The following SCMH1 variants were observed in gnomAD, a reference collection of about 807,000 sequenced individuals.
SCMH1 encodes polycomb protein SCMH1.
A neutral mutation model predicts 70.8 loss-of-function variants in SCMH1; 37 were observed. That is an observed-to-expected ratio of 0.52 (90% CI 0.40 to 0.69). The LOEUF is 0.69. SCMH1 is among the 30% of genes least tolerant of loss of function. The pLI, the probability that SCMH1 is intolerant of heterozygous loss-of-function variation, is 0.00. For synonymous variants in SCMH1, 292 were observed against 307.4 expected (o/e 0.95, Z 0.52); for missense variants, 607 against 827.3 (o/e 0.73, Z 3.27).
intron 2 of SCMH1, among the ~76,000 whole-genome samples, chr1:41,180,239 C>G (rs1416975221): frequency 2.0e-5 from 3 of 152,152 alleles, no homozygotes; most frequent in Non-Finnish European, 4.4e-5. Context: ...CTATCTATGA[C>G]AAACCCACAG....
intron 1 of SCMH1, among the ~76,000 whole-genome samples, chr1:41,226,583 C>T (rs1045286392): frequency 1.3e-5 from 2 of 151,898 alleles, no homozygotes; most frequent in African/African-American, 4.8e-5. Context: ...AGGTCCAGAC[C>T]TAAATTCATT....
intron 10 of SCMH1, among the ~76,000 whole-genome samples, chr1:41,051,516 T>C (rs1170287600): frequency 6.6e-6 from 1 of 152,194 alleles, no homozygotes; most frequent in Non-Finnish European, 1.5e-5. Flanking sequence ...TTATTGTCCC[T>C]GAAGACCTTC....
At chr1:41,211,444 A>G (rs1657005465) in intron 1 of SCMH1, among the ~76,000 whole-genome samples, 1 of 152,260 alleles carries the variant, frequency 6.6e-6, no homozygotes, top group South Asian at 2.1e-4. Context: ...GTCATCACAG[A>G]AATGCAAATC....
chr1:41,168,825 T>G (rs112398220), intron 2 of SCMH1, among the ~76,000 whole-genome samples: 6 of 152,278 alleles, frequency 3.9e-5, no homozygotes, highest in African/African-American at 1.4e-4. Flanking sequence ...GACTGCTGTC[T>G]CTTTTTTGAT....
chr1:41,070,748 G>GCTACC (rs1344524825), intron 9 of SCMH1, 27 bp from the exon 10 acceptor site: 1 of 1,613,060 alleles, frequency 6.2e-7, no homozygotes, highest in East Asian at 2.2e-5. Context: ...GAAAAAAATT[G>GCTACC]CTACCCATGA....
At chr1:41,230,907 G>C (rs753469199) in intron 1 of SCMH1, among the ~76,000 whole-genome samples, 5 of 152,050 alleles carry the variant, frequency 3.3e-5, no homozygotes, top group Non-Finnish European at 7.4e-5. Context: ...ACAAGGTTTG[G>C]GACTTGCTGC....
chr1:41,100,588 C>T (rs557118704), intron 8 of SCMH1, among the ~76,000 whole-genome samples: 21 of 140,210 alleles, frequency 1.5e-4, no homozygotes, highest in Middle Eastern at 3.9e-3. Flanking sequence ...TTTTTTGAGA[C>T]GGAGTCTCAC....
At chr1:41,048,286 T>G (rs933484831) in intron 11 of SCMH1, among the ~76,000 whole-genome samples, 4 of 152,110 alleles carry the variant, frequency 2.6e-5, no homozygotes, top group Non-Finnish European at 5.9e-5. Flanking sequence ...TGGGCCTGGT[T>G]TAGGACGAGG....
At chr1:41,212,864 A>G (rs1371288993) in intron 1 of SCMH1, among the ~76,000 whole-genome samples, 1 of 152,188 alleles carries the variant, frequency 6.6e-6, no homozygotes, top group Non-Finnish European at 1.5e-5. Context: ...CAACAAAGTG[A>G]GACTCTGTCT....
intron 14 of SCMH1, 73 bp downstream of exon 15, chr1:41,028,511 C>A: frequency 1.9e-6 from 3 of 1,584,416 alleles, no homozygotes; most frequent in Non-Finnish European, 2.6e-6. Context: ...CCTCCCCAAA[C>A]ATCTCGTATT....
intron 2 of SCMH1, among the ~76,000 whole-genome samples, chr1:41,177,024 C>T (rs1030283567): frequency 1.3e-5 from 2 of 151,938 alleles, no homozygotes; most frequent in Admixed American, 1.3e-4. Flanking sequence ...ACACCTCACA[C>T]GGCCCTCTGA....
intron 1 of SCMH1, among the ~76,000 whole-genome samples, chr1:41,210,941 T>C (rs571222700): frequency 3.9e-5 from 6 of 151,990 alleles, no homozygotes; most frequent in African/African-American, 1.2e-4. Flanking sequence ...TCCCCAGTAG[T>C]TGGGATTACA....
chr1:41,100,418 T>C (rs1178289152), intron 8 of SCMH1, among the ~76,000 whole-genome samples: 1 of 152,206 alleles, frequency 6.6e-6, no homozygotes, highest in African/African-American at 2.4e-5. Flanking sequence ...ATGGCCATTA[T>C]GTCTTTAAGT....
chr1:41,050,418 G>A (rs1647661822), intron 10 of SCMH1, among the ~76,000 whole-genome samples: 1 of 152,152 alleles, frequency 6.6e-6, no homozygotes, highest in African/African-American at 2.4e-5. Flanking sequence ...TTCTCCTTGG[G>A]TCTCAGGTTC....
chr1:41,103,273 A>C (rs1667070668), intron 8 of SCMH1, among the ~76,000 whole-genome samples: 1 of 151,952 alleles, frequency 6.6e-6, no homozygotes, highest in African/African-American at 2.4e-5. Context: ...CTACGATTAC[A>C]GGCATGAGCC....
In SCMH1 at chr1:41,177,048, G is replaced by T. The variant is rs182571008; in HGVS notation, c.13+9073C>A. Among the ~76,000 whole-genome samples, 4 of 152,326 alleles carry T rather than the reference G, an allele frequency of 2.6e-5. No homozygotes were observed. In the East Asian group the frequency reaches 7.7e-4, roughly 29 times the overall value. ...ACGGCCCTCTGAGACAAAACTTCCA[G>T]AGGAACGATCAGGCAGCAACATTTG... is the stretch of plus-strand genomic sequence containing the variant. On this transcript the variant is annotated intron_variant, in intron 2 of 14. Transcript: ENST00000337495.
At chr1:41,171,577 A>G (rs1051260205) in intron 2 of SCMH1, among the ~76,000 whole-genome samples, 2 of 152,146 alleles carry the variant, frequency 1.3e-5, no homozygotes, top group African/African-American at 4.8e-5. Flanking sequence ...CAGTACTTTT[A>G]CTGTCATCCA....
intron 1 of SCMH1, among the ~76,000 whole-genome samples, chr1:41,239,982 G>C (rs1663183230): frequency 1.3e-5 from 2 of 152,216 alleles, no homozygotes; most frequent in East Asian, 1.9e-4. Context: ...CTTTCTCATA[G>C]TTAAGTATCC....
At chr1:41,045,433 T>C (rs1165395660) in intron 12 of SCMH1, among the ~76,000 whole-genome samples, 2 of 151,970 alleles carry the variant, frequency 1.3e-5, no homozygotes, top group Non-Finnish European at 2.9e-5. Flanking sequence ...GGAAGGAGAA[T>C]GGGGGAACAG....
Sources: gnomAD v4.1 joint callset for allele counts (sites outside exome capture counted in the v4.1 genomes callset) on GRCh38, gnomAD v4.1.1 for gene constraint, MANE v1.5 for transcripts, NCBI Gene and HGNC (gene_info 2026-07-23, HGNC 2026-07-21) for gene names.